The following LRRTM3 variants were observed in gnomAD, a reference collection of about 807,000 sequenced individuals.
The protein encoded by LRRTM3 is leucine-rich repeat transmembrane neuronal protein 3.
LRRTM3 carries 24 observed loss-of-function variants against 44.7 expected under a neutral mutation model. The observed-to-expected ratio is 0.54, with a 90% CI of 0.39 to 0.76. The LOEUF (loss-of-function observed/expected upper bound fraction) is 0.76, where lower values mean the gene tolerates loss of function less well. LRRTM3 is among the 30% of genes least tolerant of loss of function. The probability of loss-of-function intolerance (pLI) is 0.00; values close to 1 mark genes in which losing one functional copy is unlikely to be tolerated. For missense variants in LRRTM3, 587 were observed against 702.2 expected (o/e 0.84, Z 1.85); for synonymous variants, 277 against 278.7 (o/e 0.99, Z 0.06).
intron 2 of LRRTM3, among the ~76,000 whole-genome samples, chr10:67,036,390 T>G (rs960927124): frequency 9.9e-5 from 15 of 151,878 alleles, no homozygotes; most frequent in African/African-American, 3.6e-4. Flanking sequence ...TGCCTCAGAC[T>G]CCCAAGTAGC....
At chr10:67,018,413 CA>C (rs1461704011) in intron 2 of LRRTM3, among the ~76,000 whole-genome samples, 1 of 152,118 alleles carries the variant, frequency 6.6e-6, no homozygotes, top group Non-Finnish European at 1.5e-5. Flanking sequence ...TATAAATGTC[CA>C]AAACCACATT....
chr10:67,050,426 T>C (rs1855013545), intron 2 of LRRTM3, among the ~76,000 whole-genome samples: 1 of 152,180 alleles, frequency 6.6e-6, no homozygotes, highest in African/African-American at 2.4e-5. Flanking sequence ...TTTCTCCAAA[T>C]GACTTAAGAA....
chr10:67,046,988 G>C (rs1191253768), intron 2 of LRRTM3, among the ~76,000 whole-genome samples: 1 of 152,130 alleles, frequency 6.6e-6, no homozygotes, highest in Non-Finnish European at 1.5e-5. Flanking sequence ...GGGTAGAAAA[G>C]AAATAGTCTA....
intron 2 of LRRTM3, among the ~76,000 whole-genome samples, chr10:67,024,279 C>T (rs1368433220): frequency 6.6e-6 from 1 of 152,194 alleles, no homozygotes; most frequent in Non-Finnish European, 1.5e-5. Context: ...ATTGTGTTCT[C>T]GTAGAGTCTG....
At chr10:67,075,241 A>C (rs1300095434) in intron 2 of LRRTM3, among the ~76,000 whole-genome samples, 1 of 152,166 alleles carries the variant, frequency 6.6e-6, no homozygotes, top group Admixed American at 6.5e-5. Context: ...AAAGAAAAAT[A>C]TAATGGTCAG....
intron 2 of LRRTM3, among the ~76,000 whole-genome samples, chr10:66,977,822 T>C (rs1200427948): frequency 6.6e-6 from 1 of 152,204 alleles, no homozygotes; most frequent in African/African-American, 2.4e-5. Flanking sequence ...ACTAAAGATA[T>C]GTCATGCTTT....
chr10:67,085,544 T>G (rs998690046), intron 2 of LRRTM3, among the ~76,000 whole-genome samples: 3 of 152,008 alleles, frequency 2.0e-5, no homozygotes, highest in Non-Finnish European at 4.4e-5. Context: ...GAAGTTGATC[T>G]TTATTAAAAT....
At chr10:67,002,073 A>G (rs555811301) in intron 2 of LRRTM3, among the ~76,000 whole-genome samples, 1 of 152,258 alleles carries the variant, frequency 6.6e-6, no homozygotes, top group South Asian at 2.1e-4. Context: ...AACTTTTAGG[A>G]GCTCAGTTTC....
Position 66,926,147 on chromosome 10 carries a change from G to T in LRRTM3, c.-437G>T. ...CAACGCAGCTCTGTGGCTGAACTGGGTGCTCATCACGGGAACTGCTGGGGT... is the reference window on the plus strand; with the variant it reads ...CAACGCAGCTCTGTGGCTGAACTGGTTGCTCATCACGGGAACTGCTGGGGT... On this transcript the variant is annotated 5_prime_UTR_variant, in exon 1 of 3. Coordinates refer to ENST00000361320, the MANE Select transcript of LRRTM3 (RefSeq NM_178011.5). The T allele has an allele frequency of 2.2e-6, 1 of 460,484 alleles. No homozygotes were observed. Among genetic ancestry groups the T allele is most frequent in the Non-Finnish European group, 4.4e-6 (1 of 229,630 alleles). 28.5% of individuals were successfully genotyped at this position (460,484 alleles called of 1,614,324 possible).
rs569916474 is a variant in LRRTM3, at chr10:67,066,433, C to T, written c.1537-31154C>T. 1.5e-3 allele frequency among the ~76,000 whole-genome samples: 230 copies of T among 151,698 alleles called. 1 individual carries two copies. The highest frequency in any genetic ancestry group is 5.3e-3 in the African/African-American group (220 of 41,290). ...ATCTCGATCTCTTGACCTCGTGATC[C>T]GCCTGCCTTGGCCTCCCAAAGTGCT... On this transcript the variant is annotated intron_variant, in intron 2 of 2. Transcript: ENST00000361320.
intron 2 of LRRTM3, among the ~76,000 whole-genome samples, chr10:67,039,632 T>C (rs1264623549): frequency 6.6e-6 from 1 of 152,028 alleles, no homozygotes; most frequent in African/African-American, 2.4e-5. Flanking sequence ...AGGTGAAAAT[T>C]AGTAAAGGGA....
chr10:66,949,498 C>T (rs1848430983), intron 2 of LRRTM3, among the ~76,000 whole-genome samples: 1 of 151,564 alleles, frequency 6.6e-6, no homozygotes, highest in African/African-American at 2.4e-5. Flanking sequence ...GCGGAGGTTG[C>T]AGTGAGCCAA....
At chr10:66,996,503 C>A (rs2132958866) in intron 2 of LRRTM3, among the ~76,000 whole-genome samples, 1 of 151,972 alleles carries the variant, frequency 6.6e-6, no homozygotes, top group East Asian at 1.9e-4. Flanking sequence ...AAGAAACTAG[C>A]CGGGCGTGGT....
At chr10:67,056,197 C>T (rs1486543350) in intron 2 of LRRTM3, among the ~76,000 whole-genome samples, 3 of 152,186 alleles carry the variant, frequency 2.0e-5, no homozygotes, top group African/African-American at 7.2e-5. Context: ...ATTAACTGAG[C>T]TTTAATAAAA....
intron 2 of LRRTM3, among the ~76,000 whole-genome samples, chr10:67,063,064 A>C (rs1234148292): frequency 6.6e-6 from 1 of 152,148 alleles, no homozygotes; most frequent in African/African-American, 2.4e-5. Context: ...TGAAATATTA[A>C]GTGTGATTTC....
intron 2 of LRRTM3, among the ~76,000 whole-genome samples, chr10:67,004,066 A>T (rs1851832120): frequency 6.6e-6 from 1 of 152,040 alleles, no homozygotes; most frequent in African/African-American, 2.4e-5. Context: ...ACCTAACATA[A>T]ATAACTTACC....
At chr10:66,971,539 C>T (rs1183115162) in intron 2 of LRRTM3, among the ~76,000 whole-genome samples, 1 of 152,124 alleles carries the variant, frequency 6.6e-6, no homozygotes. Context: ...CAGTTTTCAT[C>T]TTCTTTAAGC....
intron 2 of LRRTM3, among the ~76,000 whole-genome samples, chr10:66,972,267 C>A (rs1342451277): frequency 6.6e-6 from 1 of 152,174 alleles, no homozygotes; most frequent in Non-Finnish European, 1.5e-5. Flanking sequence ...GAGTTCAACT[C>A]CTTTACCCAC....
chr10:66,979,141 T>C (rs768640050), intron 2 of LRRTM3, among the ~76,000 whole-genome samples: 3 of 151,946 alleles, frequency 2.0e-5, no homozygotes, highest in Non-Finnish European at 4.4e-5. Context: ...ATTTAATTTT[T>C]GTTTTTAGTA....
Sources: allele counts gnomAD v4.1 joint callset (sites outside exome capture counted in the v4.1 genomes callset), GRCh38; gene constraint gnomAD v4.1.1; transcripts MANE v1.5; gene names NCBI Gene and HGNC (gene_info 2026-07-23, HGNC 2026-07-21).